CTNNBL1: variants seen among roughly 807,000 people sequenced by gnomAD.
The protein encoded by CTNNBL1 is beta-catenin-like protein 1.
A neutral mutation model predicts 72.7 loss-of-function variants in CTNNBL1; 31 were observed. The observed-to-expected ratio is 0.43, with a 90% CI of 0.32 to 0.58. The LOEUF (loss-of-function observed/expected upper bound fraction) is 0.58. Among genes scored for constraint, CTNNBL1 ranks in the 20% least tolerant of loss-of-function variants. CTNNBL1 has a pLI of 0.08. For missense variants in CTNNBL1, 534 were observed against 725.1 expected (o/e 0.74, Z 3.03); for synonymous variants, 240 against 267.3 (o/e 0.90, Z 1.00).
intron 9 of CTNNBL1, among the ~76,000 whole-genome samples, chr20:37,778,693 C>T (rs140529360): frequency 4.3e-3 from 661 of 152,234 alleles, no homozygotes; most frequent in Non-Finnish European, 6.3e-3. Context: ...TATTGAGCCA[C>T]GATTCAGCCC....
chr20:37,766,281 GT>G (rs1200541731), intron 6 of CTNNBL1, among the ~76,000 whole-genome samples: 2 of 152,178 alleles, frequency 1.3e-5, no homozygotes, highest in African/African-American at 4.8e-5. Context: ...ACTGCTAACT[GT>G]CTGTTAATAA....
chr20:37,761,359 G>A (rs1191579034), intron 5 of CTNNBL1, among the ~76,000 whole-genome samples: 1 of 152,228 alleles, frequency 6.6e-6, no homozygotes, highest in Non-Finnish European at 1.5e-5. Flanking sequence ...CTACTGAAAT[G>A]TTAAACTTTG....
chr20:37,805,397 T>G (rs1414998949), intron 11 of CTNNBL1, among the ~76,000 whole-genome samples: 6 of 134,424 alleles, frequency 4.5e-5, no homozygotes, highest in African/African-American at 1.1e-4. Context: ...TTGTTTTTTG[T>G]TTTTTTTTTT....
chr20:37,767,987 G>C lies in CTNNBL1; in HGVS notation c.693G>C (p.Glu231Asp). 6.2e-7 allele frequency: 1 copy of C among 1,614,104 alleles called. No individual in the cohort carries two copies. Among genetic ancestry groups the C allele is most frequent in the Non-Finnish European group, 8.5e-7 (1 of 1,179,978 alleles). ...IVENMAEFRP[E>D]MCTEGAQQGL... ...AAAACATGGCTGAGTTCCGGCCTGAGATGTGTACAGAGGGTGCCCAGCAGG... is the reference window on the plus strand; with the variant it reads ...AAAACATGGCTGAGTTCCGGCCTGACATGTGTACAGAGGGTGCCCAGCAGG... The change falls in exon 7 of 16, where the codon GAG becomes GAC. Residue 231 changes from glutamate to aspartate, a missense_variant. By Grantham distance (45) the Glu-to-Asp change is conservative. Coordinates refer to ENST00000361383, the MANE Select transcript of CTNNBL1 (RefSeq NM_030877.5).
intron 11 of CTNNBL1, among the ~76,000 whole-genome samples, chr20:37,819,798 C>T (rs757003492): frequency 3.3e-5 from 5 of 151,978 alleles, no homozygotes; most frequent in Non-Finnish European, 7.4e-5. Context: ...CAAGAAGGAG[C>T]CATAGCCCAC....
rs144670764 is a variant in CTNNBL1 at position 37,863,917 on chromosome 20, C to A, written c.1603+3573C>A. On this transcript the variant is annotated intron_variant, in intron 15 of 15. Transcript: ENST00000361383. ...AGATGGAAGGTTGTCATAAAGAGTTCTCAGCCCTCCCGCTGGTGTGCCCCT... is the reference window on the plus strand; with the variant it reads ...AGATGGAAGGTTGTCATAAAGAGTTATCAGCCCTCCCGCTGGTGTGCCCCT... 5.5e-4 allele frequency among the ~76,000 whole-genome samples: 84 copies of A among 152,304 alleles called. 2 individuals are homozygous for A. In the East Asian group the frequency reaches 0.012, roughly 22 times the overall value.
chr20:37,822,549 G>A (rs1232379919), intron 11 of CTNNBL1, among the ~76,000 whole-genome samples: 1 of 152,172 alleles, frequency 6.6e-6, no homozygotes. Context: ...TTATAGCTTT[G>A]TTCAAAATGG....
intron 1 of CTNNBL1, among the ~76,000 whole-genome samples, chr20:37,711,607 A>C (rs2072938810): frequency 6.7e-6 from 1 of 149,952 alleles, no homozygotes; most frequent in Non-Finnish European, 1.5e-5. Context: ...GATAATTTCA[A>C]ATAGGAATAT....
intron 15 of CTNNBL1, among the ~76,000 whole-genome samples, chr20:37,870,971 G>T (rs2072578855): frequency 6.6e-6 from 1 of 152,160 alleles, no homozygotes; most frequent in Non-Finnish European, 1.5e-5. Flanking sequence ...ACAGCCACCT[G>T]TGTATTTTGT....
chr20:37,787,909 T>G (rs1372106582), intron 10 of CTNNBL1, among the ~76,000 whole-genome samples: 1 of 152,184 alleles, frequency 6.6e-6, no homozygotes, highest in Non-Finnish European at 1.5e-5. Flanking sequence ...CGTTTGAAAT[T>G]GTTTCTAGTC....
At chr20:37,766,389 C>A (rs140394898) in intron 6 of CTNNBL1, among the ~76,000 whole-genome samples, 18 of 152,298 alleles carry the variant, frequency 1.2e-4, no homozygotes, top group African/African-American at 4.3e-4. Context: ...TATTGAGTGC[C>A]TGATGTTTGT....
At chr20:37,744,901 A>G (rs2073249314) in intron 3 of CTNNBL1, among the ~76,000 whole-genome samples, 3 of 152,190 alleles carry the variant, frequency 2.0e-5, no homozygotes, top group South Asian at 4.1e-4. Context: ...CGGTTGGTCA[A>G]ACATTCACAG....
intron 11 of CTNNBL1, among the ~76,000 whole-genome samples, chr20:37,829,555 C>T (rs6091322): frequency 6.6e-6 from 1 of 152,142 alleles, no homozygotes; most frequent in Non-Finnish European, 1.5e-5. Context: ...TCTTTCCAAC[C>T]TCATTACTTT....
At chr20:37,853,277 G>A (rs1329671601) in intron 13 of CTNNBL1, among the ~76,000 whole-genome samples, 1 of 152,164 alleles carries the variant, frequency 6.6e-6, no homozygotes, top group East Asian at 1.9e-4. Flanking sequence ...AGAGAAACAA[G>A]TCCACTTATA....
chr20:37,718,534 G>A (rs1179081119), intron 1 of CTNNBL1, among the ~76,000 whole-genome samples: 9 of 148,474 alleles, frequency 6.1e-5, no homozygotes, highest in African/African-American at 7.5e-5. Flanking sequence ...CAGTAGGGGC[G>A]GCCGGGCAGA....
At chr20:37,799,603 A>T (rs1383380959) in intron 10 of CTNNBL1, among the ~76,000 whole-genome samples, 1 of 152,138 alleles carries the variant, frequency 6.6e-6, no homozygotes, top group Admixed American at 6.5e-5. Context: ...ATCATCTTGG[A>T]CTTAATTTCC....
At chr20:37,869,127 C>T (rs1307697452) in intron 15 of CTNNBL1, among the ~76,000 whole-genome samples, 1 of 152,178 alleles carries the variant, frequency 6.6e-6, no homozygotes, top group Non-Finnish European at 1.5e-5. Flanking sequence ...GATGGATGGG[C>T]CTAACAGAAG....
At chr20:37,810,399 C>A (rs558952260) in intron 11 of CTNNBL1, among the ~76,000 whole-genome samples, 7 of 152,310 alleles carry the variant, frequency 4.6e-5, no homozygotes, top group African/African-American at 1.4e-4. Context: ...TCCCACCAGA[C>A]TACATTAATC....
chr20:37,854,401 C>T (rs2072420957), intron 13 of CTNNBL1, among the ~76,000 whole-genome samples: 1 of 151,852 alleles, frequency 6.6e-6, no homozygotes, highest in Non-Finnish European at 1.5e-5. Flanking sequence ...CCAGACAGCT[C>T]CGAAATCTAT....
Sources: allele counts gnomAD v4.1 joint callset (sites outside exome capture counted in the v4.1 genomes callset), GRCh38; gene constraint gnomAD v4.1.1; transcripts MANE v1.5; gene names NCBI Gene and HGNC (gene_info 2026-07-23, HGNC 2026-07-21).